The following EXOC6B variants were observed in gnomAD, a reference collection of about 807,000 sequenced individuals.
EXOC6B encodes the protein exocyst complex component 6B, also known as SEC15 homolog B.
In EXOC6B, 54 loss-of-function variants were observed where a neutral mutation model predicts 113.5. That is an observed-to-expected ratio of 0.48 (90% CI 0.38 to 0.60). The LOEUF (loss-of-function observed/expected upper bound fraction) is 0.60, where lower values mean the gene tolerates loss of function less well. EXOC6B is among the 20% of genes least tolerant of loss of function. The pLI is 0.00. For synonymous variants in EXOC6B, 357 were observed against 339.0 expected, an observed-to-expected ratio of 1.05 and a Z score of -0.58; for missense variants, 797 against 977.5, an observed-to-expected ratio of 0.82 and a Z score of 2.46.
intron 6 of EXOC6B, among the ~76,000 whole-genome samples, chr2:72,683,829 G>C (rs1676884018): frequency 6.6e-6 from 1 of 152,166 alleles, no homozygotes; most frequent in Non-Finnish European, 1.5e-5. Context: ...CTGTCATTTA[G>C]TTTATCATTC....
chr2:72,559,742 A>G (rs1244191387), intron 7 of EXOC6B, among the ~76,000 whole-genome samples: 1 of 152,214 alleles, frequency 6.6e-6, no homozygotes, highest in African/African-American at 2.4e-5. Context: ...GGCTGGCACA[A>G]AGCCCACAAG....
At chr2:72,671,955 T>C (rs1424984429) in intron 6 of EXOC6B, among the ~76,000 whole-genome samples, 4 of 151,650 alleles carry the variant, frequency 2.6e-5, no homozygotes, top group African/African-American at 4.8e-5. Flanking sequence ...AGGCTCAACA[T>C]CACTAATCAT....
chr2:72,409,664 C>T (rs993158439), intron 18 of EXOC6B, among the ~76,000 whole-genome samples: 2 of 139,784 alleles, frequency 1.4e-5, no homozygotes, highest in Non-Finnish European at 3.0e-5. Context: ...GGGAATTGAA[C>T]AATGAGAACA....
chr2:72,651,182 A>G (rs1674142951), intron 6 of EXOC6B, among the ~76,000 whole-genome samples: 1 of 152,248 alleles, frequency 6.6e-6, no homozygotes. Flanking sequence ...GAGCTAGGTT[A>G]ATTAAACTGT....
intron 15 of EXOC6B, among the ~76,000 whole-genome samples, chr2:72,493,538 G>A (rs944814705): frequency 3.3e-5 from 5 of 151,306 alleles, no homozygotes; most frequent in Admixed American, 1.3e-4. Flanking sequence ...CCCTCTTTGC[G>A]CTGTTCTTTA....
At chr2:72,510,984 A>C (rs773810525) in intron 11 of EXOC6B, among the ~76,000 whole-genome samples, 5 of 152,134 alleles carry the variant, frequency 3.3e-5, no homozygotes, top group Non-Finnish European at 5.9e-5. Context: ...AACATGTAAA[A>C]AACATTTCAA....
intron 20 of EXOC6B, among the ~76,000 whole-genome samples, chr2:72,202,099 A>T (rs1679527376): frequency 6.6e-6 from 1 of 152,170 alleles, no homozygotes; most frequent in Non-Finnish European, 1.5e-5. Context: ...ATGGCAAGGA[A>T]GCCTTGATCC....
At chr2:72,314,380 C>G (rs1687385629) in intron 20 of EXOC6B, among the ~76,000 whole-genome samples, 1 of 152,210 alleles carries the variant, frequency 6.6e-6, no homozygotes, top group African/African-American at 2.4e-5. Flanking sequence ...TACCAAAACA[C>G]TGCTTGCAAA....
At chr2:72,462,610 G>A (rs1405477470) in intron 18 of EXOC6B, 1 of 151,956 alleles carries the variant, frequency 6.6e-6, no homozygotes, top group African/African-American at 2.4e-5. Flanking sequence ...GGATACAGAG[G>A]TGCCATTTAT....
intron 1 of EXOC6B, among the ~76,000 whole-genome samples, chr2:72,797,692 T>C (rs1363345986): frequency 6.6e-6 from 1 of 152,140 alleles, no homozygotes; most frequent in Non-Finnish European, 1.5e-5. Context: ...CAGGCACCTG[T>C]AATCCCAGCT....
chr2:72,686,903 C>A (rs1677127596), intron 6 of EXOC6B, among the ~76,000 whole-genome samples: 1 of 152,078 alleles, frequency 6.6e-6, no homozygotes, highest in African/African-American at 2.4e-5. Flanking sequence ...CTTTGGGAGG[C>A]CGAGGCAGGC....
chr2:72,225,272 A>T (rs1681163706), intron 20 of EXOC6B, among the ~76,000 whole-genome samples: 1 of 152,228 alleles, frequency 6.6e-6, no homozygotes, highest in Non-Finnish European at 1.5e-5. Context: ...CAATATAAAT[A>T]TCAATAACAA....
At chr2:72,433,089 G>C (rs1228929989) in intron 18 of EXOC6B, among the ~76,000 whole-genome samples, 1 of 152,144 alleles carries the variant, frequency 6.6e-6, no homozygotes, top group East Asian at 1.9e-4. Context: ...TTTTGTATAA[G>C]GTGTAAGGAA....
chr2:72,812,634 G>A (rs921645437), intron 1 of EXOC6B, among the ~76,000 whole-genome samples: 4 of 152,252 alleles, frequency 2.6e-5, no homozygotes, highest in East Asian at 1.9e-4. Flanking sequence ...AGGCTGCAGT[G>A]AGCTAAGATT....
At chr2:72,346,818 T>A (rs1260731038) in intron 19 of EXOC6B, among the ~76,000 whole-genome samples, 2 of 152,152 alleles carry the variant, frequency 1.3e-5, no homozygotes, top group East Asian at 1.9e-4. Context: ...GGCATTGGAT[T>A]TTCCCTTAGT....
At chr2:72,673,704 C>T (rs1676076237) in intron 6 of EXOC6B, among the ~76,000 whole-genome samples, 1 of 150,674 alleles carries the variant, frequency 6.6e-6, no homozygotes, top group Non-Finnish European at 1.5e-5. Flanking sequence ...TTTACCTTAC[C>T]TTAGTCAAAA....
intron 20 of EXOC6B, among the ~76,000 whole-genome samples, chr2:72,314,254 T>C (rs1047624657): frequency 6.6e-6 from 1 of 152,176 alleles, no homozygotes; most frequent in Admixed American, 6.6e-5. Flanking sequence ...CGCCTGGTTA[T>C]CAACTAAATT....
At chr2:72,353,685 T>C (rs1431079915) in intron 19 of EXOC6B, among the ~76,000 whole-genome samples, 1 of 152,004 alleles carries the variant, frequency 6.6e-6, no homozygotes, top group East Asian at 1.9e-4. Flanking sequence ...TAATGAAAAC[T>C]TTAAATAATT....
chr2:72,689,100 T>C (rs1055987245), intron 6 of EXOC6B, among the ~76,000 whole-genome samples: 1 of 152,218 alleles, frequency 6.6e-6, no homozygotes, highest in Non-Finnish European at 1.5e-5. Context: ...ATGTTCACAA[T>C]AATTATGTCA....
Sources: allele counts gnomAD v4.1 joint callset (sites outside exome capture counted in the v4.1 genomes callset), GRCh38; gene constraint gnomAD v4.1.1; transcripts MANE v1.5; gene names NCBI Gene and HGNC (gene_info 2026-07-23, HGNC 2026-07-21).